The following ULK4 variants were observed in gnomAD, a reference collection of about 807,000 sequenced individuals.
The protein encoded by ULK4 is unc-51 like kinase 4, also known as inactive serine/threonine-protein kinase ULK4.
In ULK4, 133 loss-of-function variants were observed where a neutral mutation model predicts 160.6. The ratio of observed to expected loss-of-function variants is 0.83; its 90% confidence interval spans 0.72 to 0.96. ULK4 has a LOEUF of 0.96. Among genes scored for constraint, ULK4 ranks in the 40% least tolerant of loss-of-function variants. The probability of loss-of-function intolerance (pLI) is 0.00; values close to 1 mark genes in which losing one functional copy is unlikely to be tolerated. For missense variants in ULK4, 1,580 were observed against 1,499.5 expected (o/e 1.05, Z -0.89); for synonymous variants, 534 against 539.8 (o/e 0.99, Z 0.15).
chr3:41,623,331 G>A (rs1386868632), intron 30 of ULK4, among the ~76,000 whole-genome samples: 3 of 152,126 alleles, frequency 2.0e-5, no homozygotes, highest in South Asian at 2.1e-4. Flanking sequence ...ATACACTTGT[G>A]AAGGGAAAAT....
At chr3:41,290,475 A>AC (rs1354912270) in intron 35 of ULK4, among the ~76,000 whole-genome samples, 1 of 152,012 alleles carries the variant, frequency 6.6e-6, no homozygotes, top group Non-Finnish European at 1.5e-5. Context: ...CCCTGCTCTT[A>AC]CTCTTTAGGT....
At chr3:41,694,623 TC>T (rs1463949431) in intron 27 of ULK4, among the ~76,000 whole-genome samples, 1 of 152,136 alleles carries the variant, frequency 6.6e-6, no homozygotes, top group Admixed American at 6.6e-5. Context: ...AATCCAGTGA[TC>T]CTTAAGTCCC....
At chr3:41,395,844 T>C (rs548272798) in intron 35 of ULK4, among the ~76,000 whole-genome samples, 46 of 152,274 alleles carry the variant, frequency 3.0e-4, no homozygotes, top group African/African-American at 1.1e-3. Context: ...CAACTTCTGT[T>C]TTTGCATACA....
At chr3:41,461,489 C>T (rs1451883459) in intron 33 of ULK4, among the ~76,000 whole-genome samples, 1 of 152,118 alleles carries the variant, frequency 6.6e-6, no homozygotes, top group Non-Finnish European at 1.5e-5. Context: ...TCATGGAGAT[C>T]AAAGTCAGTG....
At chr3:41,786,914 G>A (rs2040014220) in intron 21 of ULK4, among the ~76,000 whole-genome samples, 1 of 152,164 alleles carries the variant, frequency 6.6e-6, no homozygotes, top group South Asian at 2.1e-4. Flanking sequence ...TCACTGAGTT[G>A]TCTTTTTGCC....
intron 35 of ULK4, among the ~76,000 whole-genome samples, chr3:41,301,378 C>T (rs752638797): frequency 3.7e-4 from 56 of 152,128 alleles, no homozygotes; most frequent in Admixed American, 1.5e-3. Flanking sequence ...TGGACAGAAT[C>T]TTCCCAGGAC....
intron 20 of ULK4, among the ~76,000 whole-genome samples, chr3:41,799,508 A>T (rs1218196189): frequency 6.6e-6 from 1 of 152,114 alleles, no homozygotes; most frequent in Non-Finnish European, 1.5e-5. Context: ...GAACACTAAA[A>T]ATATAACAAA....
chr3:41,299,299 C>T (rs754967710), intron 35 of ULK4, among the ~76,000 whole-genome samples: 2 of 152,208 alleles, frequency 1.3e-5, no homozygotes, highest in Non-Finnish European at 2.9e-5. Flanking sequence ...CTGAGATTAG[C>T]AGTGCCACCA....
chr3:41,375,743 T>C lies in ULK4; in HGVS notation c.3678+22336A>G, dbSNP rs531846270. On this transcript the variant is annotated intron_variant, in intron 35 of 36. Transcript: ENST00000301831. The stretch of plus-strand genomic sequence containing the variant: ...GGGCAAAGACTTCATGACTAAAATA[T>C]GAAAAGCAATGGCAACAAAAGCCAA... Among the ~76,000 whole-genome samples the C allele has an allele frequency of 4.0e-5, 6 of 150,174 alleles. 1 individual carries two copies. The South Asian group carries it at 1.3e-3, about 33-fold the overall frequency.
chr3:41,327,038 T>C (rs182256585), intron 35 of ULK4, among the ~76,000 whole-genome samples: 17 of 152,362 alleles, frequency 1.1e-4, no homozygotes, highest in Admixed American at 2.6e-4. Context: ...CATGCTAGGC[T>C]TTCTGCCCTA....
At chr3:41,421,021 GA>G (rs1408654564) in intron 34 of ULK4, among the ~76,000 whole-genome samples, 1 of 151,696 alleles carries the variant, frequency 6.6e-6, no homozygotes, top group Non-Finnish European at 1.5e-5. Flanking sequence ...GGCTGAGGCA[GA>G]AGAATTGCTT....
chr3:41,576,865 T>C (rs2088207096), intron 31 of ULK4, among the ~76,000 whole-genome samples: 1 of 152,200 alleles, frequency 6.6e-6, no homozygotes, highest in Non-Finnish European at 1.5e-5. Flanking sequence ...CAAATTTTAA[T>C]GAAACACAAC....
At chr3:41,617,071 G>A (rs1481961176) in intron 30 of ULK4, among the ~76,000 whole-genome samples, 1 of 152,204 alleles carries the variant, frequency 6.6e-6, no homozygotes, top group Non-Finnish European at 1.5e-5. Flanking sequence ...CACTGGGCAG[G>A]GCATCTCTGA....
At chr3:41,716,492 T>A (rs1292632791) in intron 23 of ULK4, among the ~76,000 whole-genome samples, 1 of 152,104 alleles carries the variant, frequency 6.6e-6, no homozygotes, top group Non-Finnish European at 1.5e-5. Context: ...GTAAAAAAGC[T>A]TACAATCCGA....
At chr3:41,378,686 C>T (rs947142933) in intron 35 of ULK4, among the ~76,000 whole-genome samples, 19 of 151,596 alleles carry the variant, frequency 1.3e-4, no homozygotes, top group Non-Finnish European at 1.6e-4. Flanking sequence ...ATGTAAATGA[C>T]GAGTTAATGG....
At chr3:41,583,635 T>C (rs1300381431) in intron 31 of ULK4, among the ~76,000 whole-genome samples, 1 of 152,238 alleles carries the variant, frequency 6.6e-6, no homozygotes, top group East Asian at 1.9e-4. Flanking sequence ...GGTATGGATC[T>C]GTCCTATGCT....
chr3:41,480,821 A>G (rs1164811393), intron 32 of ULK4, among the ~76,000 whole-genome samples: 1 of 152,172 alleles, frequency 6.6e-6, no homozygotes, highest in East Asian at 1.9e-4. Flanking sequence ...CCTTCTTCAC[A>G]TGGCAGTGGC....
At chr3:41,399,072 C>A (rs1007546745) in intron 34 of ULK4, among the ~76,000 whole-genome samples, 1 of 152,152 alleles carries the variant, frequency 6.6e-6, no homozygotes, top group Non-Finnish European at 1.5e-5. Flanking sequence ...CATAGTAACT[C>A]TATATTTAAC....
At chr3:41,289,162 T>A (rs1209695554) in intron 35 of ULK4, among the ~76,000 whole-genome samples, 3 of 152,230 alleles carry the variant, frequency 2.0e-5, no homozygotes, top group Non-Finnish European at 4.4e-5. Context: ...TTGGTTTGTT[T>A]TGTTTGTTTT....
Sources: allele counts gnomAD v4.1 joint callset (sites outside exome capture counted in the v4.1 genomes callset), GRCh38; gene constraint gnomAD v4.1.1; transcripts MANE v1.5; gene names NCBI Gene and HGNC (gene_info 2026-07-23, HGNC 2026-07-21).